The following JSRP1 variants were observed in gnomAD, a reference collection of about 807,000 sequenced individuals.
The protein encoded by JSRP1 is 2310032K21Rik.
JSRP1 carries 29 observed loss-of-function variants against 21.4 expected under a neutral mutation model. The ratio of observed to expected loss-of-function variants is 1.36; its 90% CI spans 1.01 to 1.85. The LOEUF is 1.85. Ranked by LOEUF, JSRP1 falls within the 40% of genes most tolerant of loss-of-function variation. JSRP1 has a pLI of 0.00. For missense variants in JSRP1, 531 were observed against 461.5 expected, an observed-to-expected ratio of 1.15 and a Z score of -1.38; for synonymous variants, 221 against 206.1, an observed-to-expected ratio of 1.07 and a Z score of -0.62.
In JSRP1 at chr19:2,252,289, G is replaced by A; in HGVS notation, c.*40C>T. 1 of 1,409,096 alleles carries A rather than the reference G, an allele frequency of 7.1e-7. No individual in the cohort carries two copies. The highest frequency in any genetic ancestry group is 2.5e-5 in the East Asian group (1 of 39,736). 87.3% of individuals were successfully genotyped at this position (1,409,096 alleles called of 1,614,324 possible). ...CGCTTTATTTCGCCAGAGTCGCGGGGCGTCCAGAAGGGGCCCCTGGACTCC... is the reference window on the plus strand; with the variant it reads ...CGCTTTATTTCGCCAGAGTCGCGGGACGTCCAGAAGGGGCCCCTGGACTCC... On this transcript the variant is annotated 3_prime_UTR_variant, in exon 7 of 7. Coordinates refer to ENST00000300961, the MANE Select transcript of JSRP1 (RefSeq NM_144616.4).
intron 1 of JSRP1, 92 bp from the exon 2 acceptor site, chr19:2,255,436 G>T: frequency 1.8e-6 from 1 of 562,574 alleles, no homozygotes. Flanking sequence ...CCAACTAACA[G>T]GCCCCGTCCT....
chr19:2,253,278 C>T (rs1392889456), intron 5 of JSRP1, among the ~76,000 whole-genome samples: 2 of 150,818 alleles, frequency 1.3e-5, no homozygotes, highest in East Asian at 3.9e-4. Flanking sequence ...CGCAGGAGTG[C>T]CCCCGGGGGG....
Position 2,253,002 on chromosome 19 carries a change from G to A in JSRP1, c.438C>T (p.Asp146=), listed in dbSNP as rs2025085658. The part of the protein sequence containing the change: ...LLGSAFQLCR[D]AVPGEAALQA... ...GGAGTGCTGCCTCCCCAGGGACGGC[G>A]TCTGCAGCGACAGGGTCGGGACCCG... Residue 146 remains aspartate (D), a splice_region_variant and synonymous_variant, in exon 6 of 7, where the codon GAC becomes GAT. Coordinates refer to ENST00000300961, the MANE Select transcript of JSRP1 (RefSeq NM_144616.4). 1.5e-5 allele frequency: 24 copies of A among 1,597,650 alleles called. No individual in the cohort carries two copies. Among genetic ancestry groups the A allele is most frequent in the Non-Finnish European group, 2.0e-5 (23 of 1,172,326 alleles).
chr19:2,252,332 G>C lies in JSRP1; in HGVS notation c.993C>G (p.Asp331Glu), dbSNP rs905427761. The change falls in exon 7 of 7, where the codon GAC becomes GAG. Residue 331 changes from aspartate to glutamate, a missense_variant. Asp to Glu is a conservative substitution (Grantham distance 45). Transcript: ENST00000300961. ...TGGACTCCGGCGCGGGGCCGGCTCA[G>C]TCCCGCCCCTTGCCTGCGCGGAGCT... ...RQKLRAGKGR[D>E] 1.3e-6 allele frequency: 2 copies of C among 1,496,892 alleles called. No homozygotes were observed. The highest frequency in any genetic ancestry group is 1.8e-6 in the Non-Finnish European group (2 of 1,127,692). 92.7% of individuals were successfully genotyped at this position (1,496,892 alleles called of 1,614,324 possible). A position where few individuals can be genotyped will look rare whatever the true frequency, so the allele number is the denominator to read the frequency against.
intron 2 of JSRP1, among the ~76,000 whole-genome samples, 178 bp from the exon 3 acceptor site, chr19:2,254,660 G>C (rs573978880): frequency 1.3e-5 from 2 of 151,630 alleles, no homozygotes; most frequent in Non-Finnish European, 2.9e-5. Context: ...ACTGAGGTGG[G>C]AGGATCACCT....
In JSRP1 at chr19:2,253,753, C is replaced by T. The variant is rs1442603676; in HGVS notation, c.303G>A (p.Ala101=). Residue 101 remains alanine, a synonymous_variant, in exon 5 of 7, where the codon GCG becomes GCA. Transcript: ENST00000300961. ...GCGGCGGCGGCGGCTGCAGGGGCGG[C>T]GCGGTCTGCGCCTTCTTGCGCGCGG... The part of the protein sequence containing the change: ...SVPARKKAQT[A]PPLQPPPPPP... 3 of 1,469,056 alleles carry T rather than the reference C, an allele frequency of 2.0e-6. No individual in the cohort carries two copies. Among genetic ancestry groups the T allele is most frequent in the East Asian group, 5.7e-5 (2 of 35,362 alleles). 91.0% of individuals were successfully genotyped at this position (1,469,056 alleles called of 1,614,324 possible). A position where few individuals can be genotyped will look rare whatever the true frequency, so the allele number is the denominator to read the frequency against.
At position 2,252,513 on chromosome 19, in the gene JSRP1, C is replaced by G. The variant is rs1221332436; in HGVS notation, c.812G>C (p.Arg271Thr). ...CTGGGGTAGGGCTTCCCGGGGCTCC[C>G]TGGCGGCCCGTGGCCTCTCCTCTTT... ...PRKEERPRAA[R>T]EPREALPQRW... The change falls in exon 7 of 7, where the codon AGG becomes ACG. Residue 271 changes from arginine (R) to threonine (T), a missense_variant. By Grantham distance (71) the Arg-to-Thr change is moderately conservative (BLOSUM62 -1). Coordinates refer to ENST00000300961, the MANE Select transcript of JSRP1 (RefSeq NM_144616.4). 6.2e-7 allele frequency: 1 copy of G among 1,612,296 alleles called. No individual in the cohort carries two copies. The highest frequency in any genetic ancestry group is 1.7e-5 in the Admixed American group (1 of 60,012).
In JSRP1 at chr19:2,254,567, G is replaced by T. The variant is rs1599143309; in HGVS notation, c.110-85C>A. Reference sequence around the variant, plus strand: ...CCCTGGCCCTGCTGGGTGACGTGCGGGTGACTAACCCCATCTTATAGATAA... The same window carrying T: ...CCCTGGCCCTGCTGGGTGACGTGCGTGTGACTAACCCCATCTTATAGATAA... On this transcript the variant is annotated intron_variant, in intron 2 of 6. Transcript: ENST00000300961. The T allele has an allele frequency of 1.0e-5, 15 of 1,463,568 alleles. No homozygotes were observed. The East Asian group carries it at 3.5e-4, about 34-fold the overall frequency. The allele number at this position is 1,463,568 out of a possible 1,614,324, so 90.7% of individuals were successfully genotyped here. A position where few individuals can be genotyped will look rare whatever the true frequency, so the allele number is the denominator to read the frequency against.
chr19:2,254,235 C>G lies in JSRP1; in HGVS notation c.214G>C (p.Ala72Pro). 6.2e-7 allele frequency: 1 copy of G among 1,605,742 alleles called. No homozygotes were observed. Among genetic ancestry groups the G allele is most frequent in the Non-Finnish European group, 8.5e-7 (1 of 1,176,388 alleles). ...TTCCCCGTTCCTGGGGTCCCCCTGG[C>G]GGCAGGCTCTTTTTCCATCTTCTTG... ...RPKKMEKEPA[A>P]RGTPGTGKER... The change falls in exon 4 of 7, where the codon GCC becomes CCC. Residue 72 changes from alanine to proline, a missense_variant. Physicochemically the swap from Ala to Pro is conservative, Grantham distance 27 (BLOSUM62 -1). Transcript: ENST00000300961.
intron 4 of JSRP1, 75 bp downstream of exon 4, chr19:2,254,112 A>G: frequency 8.6e-7 from 1 of 1,167,724 alleles, no homozygotes; most frequent in Non-Finnish European, 1.2e-6. Flanking sequence ...AGATCCAAGG[A>G]CCCAGCTCCG....
rs753829176 is a variant in JSRP1 at position 2,253,845 on chromosome 19, C to T, written c.263-52G>A. 236 of 1,344,084 alleles carry T rather than the reference C, an allele frequency of 1.8e-4. No homozygotes were observed. In the East Asian group the frequency reaches 7.1e-3, roughly 41 times the overall value. 83.3% of individuals were successfully genotyped at this position (1,344,084 alleles called of 1,614,324 possible). ...GTGGTCACTGGCTCTGTGCCGCCCC[C>T]TTCCCCGGGCGCAGGGGACAAGAGA... On this transcript the variant is annotated intron_variant, in intron 4 of 6. Coordinates refer to ENST00000300961, the MANE Select transcript of JSRP1 (RefSeq NM_144616.4).
chr19:2,253,268 C>A (rs75469452), intron 5 of JSRP1, among the ~76,000 whole-genome samples: 1 of 152,182 alleles, frequency 6.6e-6, no homozygotes, highest in Admixed American at 6.5e-5. Flanking sequence ...AGGGAGGGGT[C>A]GCAGGAGTGC....
intron 5 of JSRP1, among the ~76,000 whole-genome samples, chr19:2,253,387 A>AC (rs2025093582): frequency 6.6e-6 from 1 of 152,194 alleles, no homozygotes; most frequent in Non-Finnish European, 1.5e-5. Context: ...GGAAGCCAGA[A>AC]CCTACTCGCG....
At chr19:2,254,797 C>G (rs1298112258) in intron 2 of JSRP1, among the ~76,000 whole-genome samples, 1 of 151,592 alleles carries the variant, frequency 6.6e-6, no homozygotes, top group Non-Finnish European at 1.5e-5. Context: ...GAGGCTGAGG[C>G]AGGAGGATCA....
At chr19:2,254,366 G>A (rs1242685644) in intron 3 of JSRP1, 65 bp from the exon 4 acceptor site, 2 of 1,604,290 alleles carry the variant, frequency 1.2e-6, no homozygotes, top group Admixed American at 3.3e-5. Flanking sequence ...GTGGGCTTTA[G>A]ACACCTGCCT....
rs764976793 is a variant in JSRP1, at chr19:2,255,220, T to G, written c.95A>C (p.Glu32Ala). 67 of 1,602,888 alleles carry G rather than the reference T, an allele frequency of 4.2e-5. No homozygotes were observed. The highest frequency in any genetic ancestry group is 1.2e-4 in the Admixed American group (7 of 59,282). The change falls in exon 2 of 7, where the codon GAG becomes GCG. Residue 32 changes from glutamate (E) to alanine (A), a missense_variant. Glu to Ala is a moderately radical substitution (Grantham distance 107). Coordinates refer to ENST00000300961, the MANE Select transcript of JSRP1 (RefSeq NM_144616.4). ...CACAAGGGTACCTGAAGCCCTGTCCTCCTGGGTCTCGGCCAGCGCAGAGTG... is the reference window on the plus strand; with the variant it reads ...CACAAGGGTACCTGAAGCCCTGTCCGCCTGGGTCTCGGCCAGCGCAGAGTG... ...EDHSALAETQ[E>A]DRASATPRLA...
intron 6 of JSRP1, 38 bp downstream of exon 6, chr19:2,252,874 G>T: frequency 6.3e-7 from 1 of 1,597,258 alleles, no homozygotes; most frequent in Non-Finnish European, 8.6e-7. Context: ...TGGGGATGAA[G>T]GTCCCAATGC....
rs371524491 is a variant in JSRP1, at chr19:2,255,320, G to C, written c.-6C>G. 2.5e-6 allele frequency: 4 copies of C among 1,599,338 alleles called. No homozygotes were observed. The African/African-American group carries it at 4.0e-5, about 16-fold the overall frequency. ...GCTCTGGTTGTCATGGACATGGCTG[G>C]AGCAGCAGCAGGTCCCAGGCCAGGC... On this transcript the variant is annotated 5_prime_UTR_variant, in exon 2 of 7. Transcript: ENST00000300961.
rs189540794 is a variant in JSRP1 at position 2,253,065 on chromosome 19, C to T, written c.437-62G>A. 3,238 of 1,159,950 alleles carry T rather than the reference C, an allele frequency of 2.8e-3. 13 individuals are homozygous for T. The highest frequency in any genetic ancestry group is 3.3e-3 in the Non-Finnish European group (2,613 of 796,254). 71.9% of individuals were successfully genotyped at this position (1,159,950 alleles called of 1,614,324 possible). ...CGAGGCACGGTCCACACTGTCCATC[C>T]CTCCCTCACCCCTAGAGCCCCCCTC... On this transcript the variant is annotated intron_variant, in intron 5 of 6. Coordinates refer to ENST00000300961, the MANE Select transcript of JSRP1 (RefSeq NM_144616.4).
Sources: gnomAD v4.1 joint callset for allele counts (sites outside exome capture counted in the v4.1 genomes callset) on GRCh38, gnomAD v4.1.1 for gene constraint, MANE v1.5 for transcripts, NCBI Gene and HGNC (gene_info 2026-07-23, HGNC 2026-07-21) for gene names.